Variants in PIK3C3 observed in about 807,000 individuals in gnomAD.
The protein encoded by PIK3C3 is phosphatidylinositol 3-kinase catalytic subunit type 3.
Under a neutral mutation model 126.1 loss-of-function variants are expected in PIK3C3, and 95 were observed. That is an observed-to-expected ratio of 0.75 (90% CI 0.64 to 0.89). The LOEUF (loss-of-function observed/expected upper bound fraction) is 0.89. Ranked by LOEUF, PIK3C3 falls within the 40% of genes least tolerant of loss-of-function variation. The pLI, the probability that PIK3C3 is intolerant of heterozygous loss-of-function variation, is 0.00. For missense variants in PIK3C3, 829 were observed against 1,063.2 expected, an observed-to-expected ratio of 0.78 and a Z score of 3.06; for synonymous variants, 374 against 360.0, an observed-to-expected ratio of 1.04 and a Z score of -0.44.
chr18:42,052,287 GA>G (rs1984841417), intron 21 of PIK3C3, among the ~76,000 whole-genome samples: 2 of 152,120 alleles, frequency 1.3e-5, no homozygotes, highest in African/African-American at 2.4e-5. Flanking sequence ...TTAAATTTCA[GA>G]AACAGAAGCT....
intron 12 of PIK3C3, among the ~76,000 whole-genome samples, chr18:42,019,809 A>C (rs533028): frequency 0.5 from 76,437 of 151,896 alleles, 21,291 homozygotes; most frequent in African/African-American, 0.75. Context: ...AAATACAACT[A>C]TTTCCTCTTA....
chr18:41,997,277 A>C (rs1332050503), intron 9 of PIK3C3, among the ~76,000 whole-genome samples: 1 of 152,102 alleles, frequency 6.6e-6, no homozygotes, highest in Non-Finnish European at 1.5e-5. Context: ...GTGGGAATTC[A>C]GTTGGTGGAG....
At chr18:41,987,993 A>G (rs1289927630) in intron 5 of PIK3C3, 95 bp downstream of exon 5, 2 of 731,000 alleles carry the variant, frequency 2.7e-6, no homozygotes, top group African/African-American at 1.8e-5. Context: ...TCTTACAAAT[A>G]TAGGATTATC....
intron 12 of PIK3C3, among the ~76,000 whole-genome samples, chr18:42,015,893 C>T (rs190737224): frequency 8.8e-4 from 134 of 152,174 alleles, no homozygotes; most frequent in African/African-American, 3.1e-3. Flanking sequence ...GTTGTCAGTG[C>T]TTGTGATTAC....
chr18:41,997,076 A>G (rs910187253), intron 9 of PIK3C3, among the ~76,000 whole-genome samples: 28 of 152,134 alleles, frequency 1.8e-4, no homozygotes, highest in Admixed American at 9.8e-4. Context: ...CTTCACAAGT[A>G]AGATAATACA....
At chr18:41,988,898 T>C (rs1907361789) in intron 5 of PIK3C3, among the ~76,000 whole-genome samples, 1 of 152,130 alleles carries the variant, frequency 6.6e-6, no homozygotes, top group Non-Finnish European at 1.5e-5. Context: ...TTCTTAAACT[T>C]AGATATCACT....
intron 20 of PIK3C3, among the ~76,000 whole-genome samples, chr18:42,048,896 T>C (rs182997813): frequency 6.6e-6 from 1 of 152,276 alleles, no homozygotes; most frequent in East Asian, 1.9e-4. Context: ...TCCAAAAGGG[T>C]GCTATTTGCT....
At chr18:42,042,094 A>C (rs890390328) in intron 19 of PIK3C3, among the ~76,000 whole-genome samples, 6 of 152,190 alleles carry the variant, frequency 3.9e-5, no homozygotes, top group Non-Finnish European at 8.8e-5. Context: ...TAAACAATCC[A>C]CTTTCCTTCT....
chr18:42,016,873 A>G (rs1983099133), intron 12 of PIK3C3, among the ~76,000 whole-genome samples: 8 of 152,064 alleles, frequency 5.3e-5, no homozygotes, highest in Admixed American at 4.6e-4. Flanking sequence ...AGGGTGATTT[A>G]CATTCTAGAT....
In PIK3C3 at chr18:42,038,605, A is replaced by G. The variant is rs560742069; in HGVS notation, c.1969-176A>G. On this transcript the variant is annotated intron_variant, in intron 17 of 24. Coordinates refer to ENST00000262039, the MANE Select transcript of PIK3C3 (RefSeq NM_002647.4). ...GTGATCCACCCGCCTCGGCCTCCCAAAGTGCTGGGATTACAGTGGGGAACC... is the reference window on the plus strand; with the variant it reads ...GTGATCCACCCGCCTCGGCCTCCCAGAGTGCTGGGATTACAGTGGGGAACC... Among the ~76,000 whole-genome samples, 380 of 152,216 alleles carry G rather than the reference A, an allele frequency of 2.5e-3. 2 individuals are homozygous for G. Among genetic ancestry groups the G allele is most frequent in the African/African-American group, 8.9e-3 (368 of 41,540 alleles).
chr18:42,077,066 CT>C (rs752519496), intron 24 of PIK3C3, among the ~76,000 whole-genome samples: 1 of 152,134 alleles, frequency 6.6e-6, no homozygotes, highest in African/African-American at 2.4e-5. Flanking sequence ...CAATAAATGA[CT>C]TTTTTGTTTT....
intron 24 of PIK3C3, among the ~76,000 whole-genome samples, chr18:42,078,863 C>T (rs1053592701): frequency 6.6e-6 from 1 of 152,196 alleles, no homozygotes; most frequent in Non-Finnish European, 1.5e-5. Context: ...CTGCAACTTC[C>T]TCATCTTTCT....
At chr18:42,067,299 C>T in intron 23 of PIK3C3, 89 bp from the exon 24 acceptor site, 2 of 1,161,028 alleles carry the variant, frequency 1.7e-6, no homozygotes, top group South Asian at 1.4e-5. Context: ...GCTCATGTTA[C>T]CTTATAATGT....
At chr18:42,062,769 C>T (rs1985373675) in intron 22 of PIK3C3, among the ~76,000 whole-genome samples, 1 of 151,968 alleles carries the variant, frequency 6.6e-6, no homozygotes, top group Admixed American at 6.6e-5. Context: ...CCTCAGACTC[C>T]ACATGTCTAA....
At chr18:42,029,534 ATTTTTTTTTTTT>A (rs57593886) in intron 15 of PIK3C3, 93 bp downstream of exon 15, 17 of 212,756 alleles carry the variant, frequency 8.0e-5, no homozygotes, top group East Asian at 1.9e-4. Flanking sequence ...TGATACGTGA[ATTTTTTTTTTTT>A]TTTTTTTTTT....
At chr18:41,990,719 A>G (rs11082257) in intron 6 of PIK3C3, 165 bp downstream of exon 6, 138,620 of 543,876 alleles carry the variant, frequency 0.25, 18,757 homozygotes, top group South Asian at 0.39. Flanking sequence ...TATAACTACA[A>G]CAAGATTACA....
chr18:42,014,030 G>A (rs1982953571), intron 11 of PIK3C3, among the ~76,000 whole-genome samples: 1 of 152,000 alleles, frequency 6.6e-6, no homozygotes, highest in African/African-American at 2.4e-5. Context: ...AGAAGGAGCA[G>A]GTGTGGTGGC....
Position 42,015,539 on chromosome 18 carries a change from A to G in PIK3C3, c.1389A>G (p.Lys463=). The change falls in exon 12 of 25, where the codon AAA becomes AAG. Residue 463 remains lysine, a synonymous_variant. Coordinates refer to ENST00000262039, the MANE Select transcript of PIK3C3 (RefSeq NM_002647.4). ...CACCTCCTCCTGCATCAAAAACAAA[A>G]GAAGTTCCAGATGGCGAAAATCTGG... ...VSSPPPASKT[K]EVPDGENLEQ... 1 of 1,613,776 alleles carries G rather than the reference A, an allele frequency of 6.2e-7. No homozygotes were observed. The highest frequency in any genetic ancestry group is 8.5e-7 in the Non-Finnish European group (1 of 1,179,824).
chr18:42,049,415 CAG>C, intron 20 of PIK3C3, 114 bp from the exon 21 acceptor site: 2 of 595,120 alleles, frequency 3.4e-6, no homozygotes, highest in South Asian at 5.7e-5. Flanking sequence ...GATGAGAAAC[CAG>C]AGACATTAGA....
Sources: allele counts gnomAD v4.1 joint callset (sites outside exome capture counted in the v4.1 genomes callset), GRCh38; gene constraint gnomAD v4.1.1; transcripts MANE v1.5; gene names NCBI Gene and HGNC (gene_info 2026-07-23, HGNC 2026-07-21).